Variants in HIPK2 observed in about 807,000 individuals in gnomAD.
HIPK2 encodes the protein homeodomain-interacting protein kinase 2.
HIPK2 carries 27 observed loss-of-function variants against 113.7 expected under a neutral mutation model. The ratio of observed to expected loss-of-function variants is 0.24; its 90% CI spans 0.17 to 0.33. The LOEUF (loss-of-function observed/expected upper bound fraction) is 0.33. Among genes scored for constraint, HIPK2 ranks in the 10% least tolerant of loss-of-function variants. The pLI is 1.00. For synonymous variants in HIPK2, 631 were observed against 642.2 expected (o/e 0.98, Z 0.26); for missense variants, 1,257 against 1,588.0 (o/e 0.79, Z 3.54).
At chr7:139,751,328 T>C (rs1389082972) in intron 1 of HIPK2, among the ~76,000 whole-genome samples, 1 of 152,156 alleles carries the variant, frequency 6.6e-6, no homozygotes, top group Non-Finnish European at 1.5e-5. Context: ...AGTTTAGATG[T>C]CACTCTCCCC....
chr7:139,669,404 C>T (rs373098261), intron 2 of HIPK2, among the ~76,000 whole-genome samples: 94 of 152,254 alleles, frequency 6.2e-4, no homozygotes, highest in African/African-American at 2.1e-3. Context: ...GTAATAAGCC[C>T]GTTTTTTCTT....
chr7:139,660,126 G>A (rs1252374014), intron 2 of HIPK2, among the ~76,000 whole-genome samples: 1 of 152,220 alleles, frequency 6.6e-6, no homozygotes, highest in Non-Finnish European at 1.5e-5. Context: ...AGTTTGAGAA[G>A]CTCATATCTG....
intron 2 of HIPK2, among the ~76,000 whole-genome samples, chr7:139,706,022 G>A (rs1794887543): frequency 1.3e-5 from 2 of 152,324 alleles, no homozygotes; most frequent in South Asian, 4.1e-4. Flanking sequence ...GCAGGTTGGA[G>A]GTTACGAGGC....
At chr7:139,592,541 A>T (rs1799063050) in intron 12 of HIPK2, among the ~76,000 whole-genome samples, 1 of 152,210 alleles carries the variant, frequency 6.6e-6, no homozygotes. Flanking sequence ...GTTCAAGACC[A>T]GCCTGGGCAA....
At chr7:139,614,573 A>T in intron 7 of HIPK2, 80 bp from the exon 8 acceptor site, 1 of 917,208 alleles carries the variant, frequency 1.1e-6, no homozygotes, top group Non-Finnish European at 1.5e-6. Context: ...ACACGAATCT[A>T]AATCAAATAA....
intron 12 of HIPK2, among the ~76,000 whole-genome samples, chr7:139,586,549 G>T (rs778906926): frequency 9.2e-5 from 14 of 151,914 alleles, no homozygotes; most frequent in Admixed American, 5.9e-4. Context: ...TGGGAGGATT[G>T]CTTGAGGCTG....
intron 2 of HIPK2, among the ~76,000 whole-genome samples, chr7:139,645,893 G>C (rs1270645931): frequency 6.6e-6 from 1 of 152,126 alleles, no homozygotes; most frequent in Non-Finnish European, 1.5e-5. Context: ...TATTCCAGCA[G>C]GAGTTAGGAA....
At chr7:139,736,652 C>G (rs1305542489) in intron 1 of HIPK2, among the ~76,000 whole-genome samples, 1 of 152,134 alleles carries the variant, frequency 6.6e-6, no homozygotes, top group African/African-American at 2.4e-5. Flanking sequence ...TGGGAGGATG[C>G]TATCGAATAA....
At chr7:139,724,394 T>G (rs1369609467) in intron 1 of HIPK2, among the ~76,000 whole-genome samples, 3 of 152,218 alleles carry the variant, frequency 2.0e-5, no homozygotes, top group African/African-American at 7.2e-5. Flanking sequence ...TCCAAAACAG[T>G]GTATACTGAA....
At chr7:139,623,729 G>A (rs889186816) in intron 6 of HIPK2, among the ~76,000 whole-genome samples, 4 of 152,080 alleles carry the variant, frequency 2.6e-5, no homozygotes, top group Non-Finnish European at 4.4e-5. Flanking sequence ...CCATGGTGGT[G>A]CCACCCACTC....
intron 1 of HIPK2, among the ~76,000 whole-genome samples, chr7:139,772,688 A>T (rs937737254): frequency 9.9e-5 from 15 of 151,950 alleles, no homozygotes; most frequent in African/African-American, 3.6e-4. Flanking sequence ...CCTGGGTTCA[A>T]GCAATTCTCC....
chr7:139,654,662 T>A (rs1801593119), intron 2 of HIPK2, among the ~76,000 whole-genome samples: 1 of 152,204 alleles, frequency 6.6e-6, no homozygotes, highest in African/African-American at 2.4e-5. Flanking sequence ...CTCTGAGTGC[T>A]GTCTCCATGG....
At position 139,627,407 on chromosome 7, in the gene HIPK2, T is replaced by C. The variant is rs536102902; in HGVS notation, c.1435-622A>G. Among the ~76,000 whole-genome samples the C allele has an allele frequency of 1.2e-3, 184 of 152,302 alleles. 2 individuals carry two copies. Among genetic ancestry groups the C allele is most frequent in the African/African-American group, 4.2e-3 (176 of 41,554 alleles). Reference sequence around the variant, plus strand: ...CCCGTCCTCCACCTACAGCATATCATCCTTCTCATGGGTTCCCCAGTTAGG... The same window carrying C: ...CCCGTCCTCCACCTACAGCATATCACCCTTCTCATGGGTTCCCCAGTTAGG... On this transcript the variant is annotated intron_variant, in intron 5 of 14. Transcript: ENST00000406875.
At chr7:139,694,596 A>AT (rs1420474695) in intron 2 of HIPK2, among the ~76,000 whole-genome samples, 1 of 152,100 alleles carries the variant, frequency 6.6e-6, no homozygotes, top group African/African-American at 2.4e-5. Context: ...AGGTTCACTG[A>AT]TTGAGACAAG....
rs1489632798 is a variant in HIPK2, at chr7:139,562,501, T to G, written c.*10426A>C. On this transcript the variant is annotated 3_prime_UTR_variant, in exon 15 of 15. Transcript: ENST00000406875. ...TCCATTCTCTTTCTATCCTAATGGA[T>G]ACCATTTTTGGAAACGTGACAGAGT... 1 of 152,270 alleles carries G rather than the reference T, an allele frequency of 6.6e-6. No homozygotes were observed. The highest frequency in any genetic ancestry group is 2.4e-5 in the African/African-American group (1 of 41,466). The allele number at this position is 152,270 out of a possible 1,614,324, so 9.4% of individuals were successfully genotyped here.
chr7:139,717,257 A>G (rs1465476780), intron 1 of HIPK2, among the ~76,000 whole-genome samples: 1 of 152,158 alleles, frequency 6.6e-6, no homozygotes, highest in Non-Finnish European at 1.5e-5. Flanking sequence ...CACAGCTGAG[A>G]CTCAGAAACA....
intron 2 of HIPK2, among the ~76,000 whole-genome samples, chr7:139,699,038 C>T (rs974560085): frequency 4.6e-5 from 7 of 152,066 alleles, no homozygotes; most frequent in Admixed American, 2.0e-4. Flanking sequence ...CGACGACCCA[C>T]GCAGAGCACA....
rs1423524424 is a variant in HIPK2, at chr7:139,575,028, T to C, written c.3126+100A>G. ...CCACCCGTGGCCAGGACTGCAGCCC[T>C]GTGAGGTGGGTGAGGGGCCGCCACA... On this transcript the variant is annotated intron_variant, in intron 14 of 14. Transcript: ENST00000406875. The C allele has an allele frequency of 7.0e-6, 10 of 1,436,490 alleles. No individual in the cohort carries two copies. The Admixed American group carries it at 2.4e-4, about 34-fold the overall frequency. The allele number at this position is 1,436,490 out of a possible 1,614,324, so 89.0% of individuals were successfully genotyped here. A position where few individuals can be genotyped will look rare whatever the true frequency, so the allele number is the denominator to read the frequency against.
chr7:139,721,387 CTG>C (rs1255226104), intron 1 of HIPK2, among the ~76,000 whole-genome samples: 1 of 152,200 alleles, frequency 6.6e-6, no homozygotes, highest in African/African-American at 2.4e-5. Context: ...GAGTATTTCT[CTG>C]GAACAAACCT....
Sources: gnomAD v4.1 joint callset for allele counts (sites outside exome capture counted in the v4.1 genomes callset) on GRCh38, gnomAD v4.1.1 for gene constraint, MANE v1.5 for transcripts, NCBI Gene and HGNC (gene_info 2026-07-23, HGNC 2026-07-21) for gene names.